SH3PXD2A: variants seen among roughly 807,000 people sequenced by gnomAD.
The protein encoded by SH3PXD2A is SH3 and PX domains 2A.
SH3PXD2A carries 32 observed loss-of-function variants against 115.2 expected under a neutral mutation model. The ratio of observed to expected loss-of-function variants is 0.28; its 90% CI spans 0.21 to 0.37. SH3PXD2A has a LOEUF of 0.37. Among genes scored for constraint, SH3PXD2A ranks in the 10% least tolerant of loss-of-function variants. The pLI is 1.00. For synonymous variants in SH3PXD2A, 610 were observed against 629.1 expected (o/e 0.97, Z 0.45); for missense variants, 1,328 against 1,498.7 (o/e 0.89, Z 1.88).
At chr10:103,632,122 A>G (rs2036789217) in intron 8 of SH3PXD2A, among the ~76,000 whole-genome samples, 1 of 151,960 alleles carries the variant, frequency 6.6e-6, no homozygotes, top group Non-Finnish European at 1.5e-5. Context: ...AGCCGTGATC[A>G]TACCACTGCA....
At chr10:103,802,921 CAGTG>C (rs2039161439) in intron 1 of SH3PXD2A, among the ~76,000 whole-genome samples, 2 of 152,138 alleles carry the variant, frequency 1.3e-5, no homozygotes, top group Non-Finnish European at 2.9e-5. Context: ...ATAAAATAGC[CAGTG>C]AGGCCAGGGA....
rs146019283 is a variant in SH3PXD2A, at chr10:103,848,948, CTTTTTTTTTTTT to C, written c.72+6235_72+6246del. On this transcript the variant is annotated intron_variant, in intron 1 of 14. Coordinates refer to ENST00000369774, the MANE Select transcript of SH3PXD2A (RefSeq NM_001394015.1). Reference sequence around the variant, plus strand: ...CTAGGTCCAACTTTCCCCATATATTCTTTTTTTTTTTTTTTTTTTTTTTTTTTTTACTGATGA... The same window carrying C: ...CTAGGTCCAACTTTCCCCATATATTCTTTTTTTTTTTTTTTTTACTGATGA... Among the ~76,000 whole-genome samples, 51 of 69,662 alleles carry C rather than the reference CTTTTTTTTTTTT, an allele frequency of 7.3e-4. 1 individual carries two copies. The highest frequency in any genetic ancestry group is 1.9e-3 in the African/African-American group (32 of 17,186). 45.7% of individuals were successfully genotyped at this position (69,662 alleles called of 152,430 possible).
intron 1 of SH3PXD2A, among the ~76,000 whole-genome samples, chr10:103,812,450 C>G (rs2134279020): frequency 6.6e-6 from 1 of 152,288 alleles, no homozygotes; most frequent in East Asian, 1.9e-4. Context: ...AAATTACACT[C>G]CTGGGCTTCC....
chr10:103,676,025 G>C (rs1041974507), intron 6 of SH3PXD2A, among the ~76,000 whole-genome samples: 1 of 151,980 alleles, frequency 6.6e-6, no homozygotes, highest in South Asian at 2.1e-4. Flanking sequence ...GGCAACAAGA[G>C]CGAAACTCCG....
chr10:103,718,709 A>G (rs2134165430), intron 5 of SH3PXD2A, among the ~76,000 whole-genome samples: 1 of 151,890 alleles, frequency 6.6e-6, no homozygotes, highest in Admixed American at 6.6e-5. Flanking sequence ...CAATACAATA[A>G]GGCAAACACT....
chr10:103,626,724 TGA>T (rs1256351093), intron 9 of SH3PXD2A, among the ~76,000 whole-genome samples: 2 of 147,732 alleles, frequency 1.4e-5, no homozygotes, highest in Non-Finnish European at 3.0e-5. Context: ...CCCAGGAGTT[TGA>T]GACCAGCCTG....
intron 1 of SH3PXD2A, among the ~76,000 whole-genome samples, chr10:103,854,836 C>T (rs1842925774): frequency 1.3e-5 from 2 of 152,188 alleles, no homozygotes; most frequent in Admixed American, 6.5e-5. Context: ...GCGCCCAGGG[C>T]CCCTGGGGAG....
At chr10:103,734,860 T>C (rs2038362203) in intron 4 of SH3PXD2A, among the ~76,000 whole-genome samples, 1 of 152,276 alleles carries the variant, frequency 6.6e-6, no homozygotes, top group Admixed American at 6.5e-5. Flanking sequence ...AAGCATCTGC[T>C]GAATGCTTCT....
At chr10:103,748,254 G>A (rs2038531114) in intron 3 of SH3PXD2A, among the ~76,000 whole-genome samples, 1 of 152,184 alleles carries the variant, frequency 6.6e-6, no homozygotes, top group Non-Finnish European at 1.5e-5. Context: ...TGAGTGCCCC[G>A]CCCAGGGTTG....
intron 3 of SH3PXD2A, 108 bp downstream of exon 3, chr10:103,766,986 G>C: frequency 1.3e-6 from 1 of 786,912 alleles, no homozygotes; most frequent in Non-Finnish European, 2.2e-6. Context: ...GCAGATTCCT[G>C]GGCATGCCCC....
Position 103,606,651 on chromosome 10 carries a change from T to A in SH3PXD2A, c.1309-734A>T, listed in dbSNP as rs1402260417. On this transcript the variant is annotated intron_variant, in intron 13 of 14. Transcript: ENST00000369774. ...CTGCGATTGCAGGCGCGCGCCGCCA[T>A]GCCTGACTGGTTTTCGTGTTTTTTT... Among the ~76,000 whole-genome samples, 3 of 151,992 alleles carry A rather than the reference T, an allele frequency of 2.0e-5. No individual in the cohort carries two copies. The East Asian group carries it at 5.8e-4, about 29-fold the overall frequency.
Position 103,849,231 on chromosome 10 carries a change from G to A in SH3PXD2A, c.72+5964C>T, listed in dbSNP as rs185831337. Among the ~76,000 whole-genome samples, 10 of 152,082 alleles carry A rather than the reference G, an allele frequency of 6.6e-5. No individual in the cohort carries two copies. The East Asian group carries it at 1.7e-3, about 26-fold the overall frequency. On this transcript the variant is annotated intron_variant, in intron 1 of 14. Transcript: ENST00000369774. ...CACAGATGTGGGTGTCAGAGACCAG[G>A]GTGAGAATCCCAGCCCTGCCACAGA...
rs748432001 is a variant in SH3PXD2A, at chr10:103,801,325, G to C, written c.110C>G (p.Ser37Cys). 3.1e-6 allele frequency: 5 copies of C among 1,612,576 alleles called. No individual in the cohort carries two copies. The South Asian group carries it at 5.5e-5, about 18-fold the overall frequency. ...IINVTWSDST[S>C]QTIYRRYSKF... ...GCTGTACCTCCGGTAGATAGTCTGGGAGGTGGAGTCAGACCAGGTCACATT... is the reference window on the plus strand; with the variant it reads ...GCTGTACCTCCGGTAGATAGTCTGGCAGGTGGAGTCAGACCAGGTCACATT... The change falls in exon 2 of 15, where the codon TCC (serine) becomes TGC (cysteine). Residue 37 changes from serine to cysteine, a missense_variant. This residue lies in a region of SH3PXD2A where 110 missense variants were observed against 160.0 expected (regional missense o/e 0.69). Coordinates refer to ENST00000369774, the MANE Select transcript of SH3PXD2A (RefSeq NM_001394015.1).
chr10:103,686,694 G>T (rs1355744577), intron 6 of SH3PXD2A, among the ~76,000 whole-genome samples: 1 of 151,906 alleles, frequency 6.6e-6, no homozygotes, highest in Non-Finnish European at 1.5e-5. Context: ...ACCTGGCTAA[G>T]CTACTGTCCC....
intron 1 of SH3PXD2A, among the ~76,000 whole-genome samples, chr10:103,815,077 C>G (rs57851247): frequency 0.15 from 22,334 of 152,082 alleles, 2,165 homozygotes; most frequent in Non-Finnish European, 0.2. Context: ...GATGAGAGAC[C>G]TAAATGCGAG....
intron 1 of SH3PXD2A, among the ~76,000 whole-genome samples, chr10:103,827,843 A>G (rs1318491554): frequency 6.6e-6 from 1 of 152,176 alleles, no homozygotes; most frequent in Admixed American, 6.5e-5. Context: ...CACACAGTCT[A>G]CGTGACCATG....
intron 1 of SH3PXD2A, among the ~76,000 whole-genome samples, chr10:103,826,316 G>C (rs907595361): frequency 6.6e-6 from 1 of 152,132 alleles, no homozygotes; most frequent in Non-Finnish European, 1.5e-5. Flanking sequence ...GGATACTTGG[G>C]CTCAGAGAGG....
chr10:103,795,140 C>G (rs1473897054), intron 2 of SH3PXD2A, among the ~76,000 whole-genome samples: 16 of 152,234 alleles, frequency 1.1e-4, no homozygotes, highest in Admixed American at 1.0e-3. Context: ...ACGGCCGCCA[C>G]TGAGTACTTG....
chr10:103,845,349 A>G (rs10883925), intron 1 of SH3PXD2A, among the ~76,000 whole-genome samples: 845 of 76,490 alleles, frequency 0.011, 28 homozygotes, highest in Admixed American at 0.056. Context: ...AAAAAAAGAA[A>G]AAAGAAAAAG....
Sources: allele counts gnomAD v4.1 joint callset (sites outside exome capture counted in the v4.1 genomes callset), GRCh38; gene constraint gnomAD v4.1.1; regional missense constraint gnomAD v4.1.1; transcripts MANE v1.5; gene names NCBI Gene and HGNC (gene_info 2026-07-23, HGNC 2026-07-21).